The following PNPLA7 variants were observed in gnomAD, a reference collection of about 807,000 sequenced individuals.
PNPLA7 encodes patatin like domain 7, lysophospholipase.
Under a neutral mutation model 161.7 loss-of-function variants are expected in PNPLA7, and 153 were observed. The ratio of observed to expected loss-of-function variants is 0.95; its 90% CI spans 0.83 to 1.08. The LOEUF (loss-of-function observed/expected upper bound fraction) is 1.08, where lower values mean the gene tolerates loss of function less well. Among genes scored for constraint, PNPLA7 ranks in the 50% least tolerant of loss-of-function variants. The probability of loss-of-function intolerance (pLI) is 0.00; values close to 1 mark genes in which losing one functional copy is unlikely to be tolerated. For synonymous variants in PNPLA7, 809 were observed against 782.1 expected, an observed-to-expected ratio of 1.03 and a Z score of -0.57; for missense variants, 1,739 against 1,856.6, an observed-to-expected ratio of 0.94 and a Z score of 1.16.
chr9:137,497,343 GC>G, intron 17 of PNPLA7, 33 bp from the exon 18 acceptor site: 6 of 1,488,288 alleles, frequency 4.0e-6, no homozygotes, highest in South Asian at 2.6e-5. Context: ...GCAGCCCTGG[GC>G]CCCCAGCCTC....
Position 137,468,899 on chromosome 9 carries a change from T to A in PNPLA7, c.2883-1426A>T, listed in dbSNP as rs1009946072. On this transcript the variant is annotated intron_variant, in intron 25 of 34. Transcript: ENST00000406427. The surrounding 1 kb of genome is among the most constrained non-coding windows in gnomAD (Gnocchi z 4.0). Reference sequence around the variant, plus strand: ...TTATGTTATGTATATTTTAACATAATAAAAAAAACCATATGTAATACTGCC... The same window carrying A: ...TTATGTTATGTATATTTTAACATAAAAAAAAAAACCATATGTAATACTGCC... Among the ~76,000 whole-genome samples, 8 of 151,754 alleles carry A rather than the reference T, an allele frequency of 5.3e-5. No homozygotes were observed. Among genetic ancestry groups the A allele is most frequent in the Non-Finnish European group, 1.0e-4 (7 of 67,936 alleles).
chr9:137,499,043 T>C lies in PNPLA7; in HGVS notation c.1758-798A>G, dbSNP rs553529574. Among the ~76,000 whole-genome samples the C allele has an allele frequency of 1.5e-4, 22 of 151,386 alleles. No homozygotes were observed. Among genetic ancestry groups the C allele is most frequent in the African/African-American group, 5.1e-4 (21 of 41,240 alleles). On this transcript the variant is annotated intron_variant, in intron 16 of 34. Coordinates refer to ENST00000406427, the MANE Select transcript of PNPLA7 (RefSeq NM_001098537.3). This position sits in a 1 kb window ranked among gnomAD's most constrained non-coding sequence, Gnocchi z 5.5. ...GGCGTGAGCGTGGCACTTAGAGCCC[T>C]GGGGGTGGAGGAGGAGCCCTGGGAT...
intron 20 of PNPLA7, among the ~76,000 whole-genome samples, chr9:137,487,378 G>C (rs1832540386): frequency 6.6e-6 from 1 of 152,260 alleles, no homozygotes; most frequent in Middle Eastern, 3.2e-3. Context: ...GGAGTGCAGG[G>C]CTGGCCAAGT....
At chr9:137,548,393 AG>A (rs1436875070) in intron 1 of PNPLA7, among the ~76,000 whole-genome samples, 1 of 152,190 alleles carries the variant, frequency 6.6e-6, no homozygotes, top group Non-Finnish European at 1.5e-5. Flanking sequence ...ACAAGAGCCA[AG>A]GCCTAAAACA....
At chr9:137,509,576 TGTGA>T (rs1834106984) in intron 12 of PNPLA7, 1 of 319,026 alleles carries the variant, frequency 3.1e-6, no homozygotes, top group Non-Finnish European at 6.6e-6. Context: ...GTTTAACTGG[TGTGA>T]GTGAGTTTAG....
At chr9:137,501,525 C>T in intron 15 of PNPLA7, 125 bp downstream of exon 15, 1 of 904,698 alleles carries the variant, frequency 1.1e-6, no homozygotes, top group African/African-American at 1.7e-5. Flanking sequence ...CCCAGAGGGG[C>T]AGTGGCCCGG....
chr9:137,500,919 A>T lies in PNPLA7; in HGVS notation c.1552-23T>A. 1 of 1,542,450 alleles carries T rather than the reference A, an allele frequency of 6.5e-7. No homozygotes were observed. Among genetic ancestry groups the T allele is most frequent in the South Asian group, 1.2e-5 (1 of 84,368 alleles). ...GTCCTGACACACGAGAGGGCTCAGG[A>T]GGCGCCGCGAGTGGCCGCGGGCAGG... On this transcript the variant is annotated intron_variant, in intron 15 of 34. Coordinates refer to ENST00000406427, the MANE Select transcript of PNPLA7 (RefSeq NM_001098537.3). The surrounding 1 kb of genome is among the most constrained non-coding windows in gnomAD (Gnocchi z 5.5).
intron 8 of PNPLA7, among the ~76,000 whole-genome samples, chr9:137,538,129 G>A (rs1022554337): frequency 6.6e-6 from 1 of 152,184 alleles, no homozygotes; most frequent in Non-Finnish European, 1.5e-5. Flanking sequence ...CCCAAGCCAC[G>A]CTGGGGGCTC....
In PNPLA7 at chr9:137,490,488, A is replaced by G. The variant is rs1832712291; in HGVS notation, c.2197+2525T>C. Among the ~76,000 whole-genome samples the G allele has an allele frequency of 6.6e-6, 1 of 152,220 alleles. No homozygotes were observed. The highest frequency in any genetic ancestry group is 2.4e-5 in the African/African-American group (1 of 41,454). The stretch of plus-strand genomic sequence containing the variant: ...TCCTTCATGAGAAGCAACAGAGGCC[A>G]TGAGGAAGTGGCACAAGATTTTTAA... On this transcript the variant is annotated intron_variant, in intron 20 of 34. Transcript: ENST00000406427. This position sits in a 1 kb window ranked among gnomAD's most constrained non-coding sequence, Gnocchi z 4.1.
chr9:137,506,209 G>A, intron 12 of PNPLA7, 126 bp from the exon 13 acceptor site: 1 of 703,186 alleles, frequency 1.4e-6, no homozygotes, highest in Non-Finnish European at 2.4e-6. Context: ...AGGGAGTCGG[G>A]CCCTGAGATC....
Position 137,537,953 on chromosome 9 carries a change from G to A in PNPLA7, c.747+2689C>T, listed in dbSNP as rs1262928795. Among the ~76,000 whole-genome samples, 2 of 152,168 alleles carry A rather than the reference G, an allele frequency of 1.3e-5. No homozygotes were observed. Among genetic ancestry groups the A allele is most frequent in the South Asian group, 2.1e-4 (1 of 4,834 alleles). On this transcript the variant is annotated intron_variant, in intron 8 of 34. Coordinates refer to ENST00000406427, the MANE Select transcript of PNPLA7 (RefSeq NM_001098537.3). The surrounding 1 kb of genome is among the most constrained non-coding windows in gnomAD (Gnocchi z 4.5). ...CCGTGCTGAACGGGTTTACGTCCAC[G>A]TAGACCAAAGCTCCTGTGGTCCTTT...
intron 25 of PNPLA7, among the ~76,000 whole-genome samples, chr9:137,472,600 G>A (rs549802451): frequency 6.9e-6 from 1 of 144,210 alleles, no homozygotes; most frequent in Non-Finnish European, 1.5e-5. Flanking sequence ...GCAGTGAGCC[G>A]AGATTGCACC....
chr9:137,482,701 G>A (rs1266069520), intron 21 of PNPLA7, among the ~76,000 whole-genome samples: 2 of 152,208 alleles, frequency 1.3e-5, no homozygotes, highest in Non-Finnish European at 2.9e-5. Context: ...GGCACGGACG[G>A]GCTGCTGGGG....
chr9:137,519,476 G>A (rs1222351240), intron 11 of PNPLA7, among the ~76,000 whole-genome samples: 1 of 152,224 alleles, frequency 6.6e-6, no homozygotes, highest in Non-Finnish European at 1.5e-5. Flanking sequence ...GAGGACATCC[G>A]GGCCTCATGT....
At position 137,523,731 on chromosome 9, in the gene PNPLA7, A is replaced by G. The variant is rs1443617322; in HGVS notation, c.748-874T>C. Among the ~76,000 whole-genome samples, 1 of 151,178 alleles carries G rather than the reference A, an allele frequency of 6.6e-6. No homozygotes were observed. The highest frequency in any genetic ancestry group is 1.5e-5 in the Non-Finnish European group (1 of 67,866). On this transcript the variant is annotated intron_variant, in intron 8 of 34. Transcript: ENST00000406427. The surrounding 1 kb of genome is among the most constrained non-coding windows in gnomAD (Gnocchi z 4.4). Reference sequence around the variant, plus strand: ...AAGCTCCGCCTCCCGGGTTCACACCATTCTCCTGCCTCAGCCTCCACAGTA... The same window carrying G: ...AAGCTCCGCCTCCCGGGTTCACACCGTTCTCCTGCCTCAGCCTCCACAGTA...
intron 14 of PNPLA7, among the ~76,000 whole-genome samples, chr9:137,504,322 C>T (rs1833798385): frequency 6.6e-6 from 1 of 152,168 alleles, no homozygotes; most frequent in African/African-American, 2.4e-5. Flanking sequence ...AGCAATTCTC[C>T]TGCCTCAGCC....
At chr9:137,527,294 A>AC in intron 8 of PNPLA7, among the ~76,000 whole-genome samples, 1 of 131,798 alleles carries the variant, frequency 7.6e-6, no homozygotes, top group East Asian at 3.6e-4. Flanking sequence ...CAAAAAAACA[A>AC]AAAAACAAAA....
intron 22 of PNPLA7, 159 bp downstream of exon 22, chr9:137,480,801 G>A: frequency 1.1e-6 from 1 of 882,188 alleles, no homozygotes. Context: ...GCTGCCCAGT[G>A]TGTCCAGTGA....
At chr9:137,482,484 G>T (rs1482066216) in intron 21 of PNPLA7, among the ~76,000 whole-genome samples, 1 of 152,242 alleles carries the variant, frequency 6.6e-6, no homozygotes, top group Non-Finnish European at 1.5e-5. Flanking sequence ...GTCTGCAGAG[G>T]CTACACCGTG....
Sources: gnomAD v4.1 joint callset for allele counts (sites outside exome capture counted in the v4.1 genomes callset) on GRCh38, gnomAD v4.1.1 for gene constraint, Gnocchi (gnomAD v3.1) non-coding constraint, MANE v1.5 for transcripts, NCBI Gene and HGNC (gene_info 2026-07-23, HGNC 2026-07-21) for gene names.